ARHGAP29: variants seen among roughly 807,000 people sequenced by gnomAD.
ARHGAP29 encodes the protein Rho GTPase activating protein 29, also known as rho GTPase-activating protein 29.
A neutral mutation model predicts 122.6 loss-of-function variants in ARHGAP29; 43 were observed. The ratio of observed to expected loss-of-function variants is 0.35; its 90% CI spans 0.27 to 0.45. The LOEUF (loss-of-function observed/expected upper bound fraction) is 0.45. Ranked by LOEUF, ARHGAP29 falls within the 20% of genes least tolerant of loss-of-function variation. The pLI, the probability that ARHGAP29 is intolerant of heterozygous loss-of-function variation, is 1.00. For synonymous variants in ARHGAP29, 506 were observed against 497.1 expected (o/e 1.02, Z -0.24); for missense variants, 1,303 against 1,477.2 (o/e 0.88, Z 1.93).
At chr1:94,208,963 T>G in intron 4 of ARHGAP29, 59 bp from the exon 5 acceptor site, 1 of 1,434,864 alleles carries the variant, frequency 7.0e-7, no homozygotes. Flanking sequence ...TGACAGGGTT[T>G]ACATTCAACA....
intron 1 of ARHGAP29, among the ~76,000 whole-genome samples, chr1:94,235,127 C>G (rs1485227320): frequency 6.6e-6 from 1 of 152,064 alleles, no homozygotes; most frequent in Non-Finnish European, 1.5e-5. Context: ...TATCTCTAGC[C>G]AGCATTATAA....
chr1:94,224,156 A>G (rs990473740), intron 2 of ARHGAP29, among the ~76,000 whole-genome samples: 3 of 152,196 alleles, frequency 2.0e-5, no homozygotes, highest in Non-Finnish European at 2.9e-5. Context: ...TTGTACAGCC[A>G]GATCTCTTAT....
Position 94,225,175 on chromosome 1 carries a change from A to G in ARHGAP29, c.206-4783T>C, listed in dbSNP as rs76783111. Among the ~76,000 whole-genome samples the G allele has an allele frequency of 2.6e-5, 4 of 152,152 alleles. No homozygotes were observed. The South Asian group carries it at 8.3e-4, about 31-fold the overall frequency. Reference sequence around the variant, plus strand: ...TCATAAATGGTTTAAAGAAAATTCCATTTTTACCAAAACTGAAGAAAGTTA... The same window carrying G: ...TCATAAATGGTTTAAAGAAAATTCCGTTTTTACCAAAACTGAAGAAAGTTA... On this transcript the variant is annotated intron_variant, in intron 2 of 22. Transcript: ENST00000260526.
chr1:94,302,644 T>C, the ARHGAP29 span: 1 of 446,288 alleles, frequency 2.2e-6, no homozygotes, highest in Non-Finnish European at 4.5e-6. Flanking sequence ...TCCCTGCATG[T>C]GTCTACTGGT....
At chr1:94,198,006 G>T (rs1039548940) in intron 12 of ARHGAP29, among the ~76,000 whole-genome samples, 3 of 152,056 alleles carry the variant, frequency 2.0e-5, no homozygotes, top group Non-Finnish European at 2.9e-5. Flanking sequence ...ATAAGAAAAA[G>T]AAATAAAAGG....
intron 19 of ARHGAP29, among the ~76,000 whole-genome samples, chr1:94,181,770 A>G (rs1649479423): frequency 6.6e-6 from 1 of 152,178 alleles, no homozygotes; most frequent in South Asian, 2.1e-4. Context: ...AACAACATAA[A>G]GGTTTAGGAC....
At chr1:94,257,089 A>T (rs970710860) in intron 1 of ARHGAP29, among the ~76,000 whole-genome samples, 1 of 152,140 alleles carries the variant, frequency 6.6e-6, no homozygotes, top group African/African-American at 2.4e-5. Flanking sequence ...CAATCCTTTT[A>T]TGATTCAGAA....
intron 22 of ARHGAP29, among the ~76,000 whole-genome samples, chr1:94,175,142 C>T (rs1649010095): frequency 6.6e-6 from 1 of 152,132 alleles, no homozygotes; most frequent in South Asian, 2.1e-4. Context: ...TAAGTGTGCC[C>T]TGAATCCCAA....
chr1:94,180,925 C>T (rs746955801), intron 19 of ARHGAP29, among the ~76,000 whole-genome samples: 2 of 152,126 alleles, frequency 1.3e-5, no homozygotes, highest in Non-Finnish European at 2.9e-5. Context: ...GATTTATAGT[C>T]ATTCAAAGGT....
intron 12 of ARHGAP29, among the ~76,000 whole-genome samples, chr1:94,200,085 C>G (rs1306272987): frequency 6.6e-6 from 1 of 152,094 alleles, no homozygotes; most frequent in African/African-American, 2.4e-5. Flanking sequence ...GTAAAGCACT[C>G]TTAGGTATAA....
the ARHGAP29 span, among the ~76,000 whole-genome samples, chr1:94,280,604 AC>A: frequency 6.6e-6 from 1 of 152,298 alleles, no homozygotes; most frequent in Admixed American, 6.5e-5. Context: ...ATAGTAAAGA[AC>A]AGTACCACAT....
At chr1:94,222,265 T>C (rs1164022022) in intron 2 of ARHGAP29, among the ~76,000 whole-genome samples, 2 of 152,184 alleles carry the variant, frequency 1.3e-5, no homozygotes, top group African/African-American at 4.8e-5. Context: ...AGGTGAAACA[T>C]AACTCTCTTA....
At chr1:94,221,123 T>C (rs1409182330) in intron 2 of ARHGAP29, among the ~76,000 whole-genome samples, 4 of 152,296 alleles carry the variant, frequency 2.6e-5, no homozygotes, top group African/African-American at 4.8e-5. Context: ...TTAAATAAGA[T>C]GACTATACAA....
the ARHGAP29 span, among the ~76,000 whole-genome samples, chr1:94,295,252 A>T: frequency 1.3e-5 from 2 of 152,156 alleles, no homozygotes; most frequent in African/African-American, 4.8e-5. Flanking sequence ...CAGGATTGGG[A>T]TTTTGCCAAG....
chr1:94,273,899 A>G (rs546639912), intron 1 of ARHGAP29, among the ~76,000 whole-genome samples: 1 of 148,744 alleles, frequency 6.7e-6, no homozygotes, highest in South Asian at 2.1e-4. Context: ...GAGCAGTAGC[A>G]TTAAAAAAAA....
At chr1:94,175,204 G>C (rs796962839) in intron 22 of ARHGAP29, among the ~76,000 whole-genome samples, 5 of 152,320 alleles carry the variant, frequency 3.3e-5, no homozygotes, top group Non-Finnish European at 4.4e-5. Flanking sequence ...AACCCAGTGA[G>C]AGCATATGAT....
At chr1:94,245,146 T>A (rs1166859260) in intron 1 of ARHGAP29, among the ~76,000 whole-genome samples, 1 of 152,196 alleles carries the variant, frequency 6.6e-6, no homozygotes, top group Non-Finnish European at 1.5e-5. Flanking sequence ...TGCTTCTACA[T>A]ACAAGGTATA....
intron 1 of ARHGAP29, among the ~76,000 whole-genome samples, chr1:94,243,205 G>T (rs1465477946): frequency 7.0e-6 from 1 of 142,600 alleles, no homozygotes; most frequent in African/African-American, 2.6e-5. Flanking sequence ...AACTTGACCT[G>T]ATAGACATTT....
At chr1:94,277,124 G>A (rs1655220557), upstream of ARHGAP29, among the ~76,000 whole-genome samples, 1 of 152,190 alleles carries the variant, frequency 6.6e-6, no homozygotes, top group Non-Finnish European at 1.5e-5. Flanking sequence ...TACATTGGCT[G>A]TGGAGCAGAG....
Sources: allele counts gnomAD v4.1 joint callset (sites outside exome capture counted in the v4.1 genomes callset), GRCh38; gene constraint gnomAD v4.1.1; transcripts MANE v1.5; gene names NCBI Gene and HGNC (gene_info 2026-07-23, HGNC 2026-07-21).